The following ACTN4 variants were observed in gnomAD, a reference collection of about 807,000 sequenced individuals.
ACTN4 encodes actinin alpha 4, also known as alpha-actinin-4.
Under a neutral mutation model 114.2 loss-of-function variants are expected in ACTN4, and 18 were observed. The observed-to-expected ratio is 0.16, with a 90% CI of 0.11 to 0.23. ACTN4 has a LOEUF of 0.23. ACTN4 is among the 10% of genes least tolerant of loss of function. ACTN4 has a pLI of 1.00. For missense variants in ACTN4, 722 were observed against 1,262.9 expected (o/e 0.57, Z 6.49); for synonymous variants, 515 against 506.3 (o/e 1.02, Z -0.23).
intron 1 of ACTN4, among the ~76,000 whole-genome samples, chr19:38,679,859 G>GA (rs11403419): frequency 0.16 from 24,300 of 151,964 alleles, 2,161 homozygotes; most frequent in Middle Eastern, 0.37. Flanking sequence ...CATGTCTTAA[G>GA]AAAAAAACAA....
At chr19:38,700,019 G>A (rs916757535) in intron 1 of ACTN4, among the ~76,000 whole-genome samples, 2 of 152,134 alleles carry the variant, frequency 1.3e-5, no homozygotes, top group African/African-American at 4.8e-5. Context: ...ATCTGTGCAC[G>A]TGATTGGAAC....
chr19:38,660,907 T>C (rs1976864898), intron 1 of ACTN4, among the ~76,000 whole-genome samples: 1 of 152,096 alleles, frequency 6.6e-6, no homozygotes, highest in Admixed American at 6.5e-5. Flanking sequence ...GGGAGGAGTG[T>C]GCAGTGCAGG....
intron 1 of ACTN4, among the ~76,000 whole-genome samples, chr19:38,653,410 C>CT: frequency 7.0e-6 from 1 of 142,438 alleles, no homozygotes; most frequent in Admixed American, 7.1e-5. Flanking sequence ...TAGGGTTGTT[C>CT]TTTAAAAAAA....
chr19:38,697,491 T>C (rs932020961), intron 1 of ACTN4, among the ~76,000 whole-genome samples: 2 of 152,240 alleles, frequency 1.3e-5, no homozygotes, highest in African/African-American at 2.4e-5. Context: ...TTCTGATAAA[T>C]CCATCTTACA....
In ACTN4 at chr19:38,724,272, T is replaced by G. The variant is rs768261237; in HGVS notation, c.1808T>G (p.Ile603Ser). The G allele has an allele frequency of 3.7e-6, 6 of 1,613,850 alleles. No individual in the cohort carries two copies. The Admixed American group carries it at 1.0e-4, about 27-fold the overall frequency. The change falls in exon 15 of 21, where the codon ATC (isoleucine) becomes AGC (serine). Residue 603 changes from isoleucine to serine, a missense_variant. Transcript: ENST00000252699. The surrounding 1 kb of genome is among the most constrained non-coding windows in gnomAD (Gnocchi z 7.0). Reference protein sequence around the residue: ...EAQRIAESNHIKLSGSNPYTT... With the variant: ...EAQRIAESNHSKLSGSNPYTT... ...CAGAGGATCGCTGAGAGCAACCACA[T>G]CAAGCTGTCGGGCAGCAACCCCTAC... is the stretch of plus-strand genomic sequence containing the variant.
At chr19:38,653,699 T>A (rs781393787) in intron 1 of ACTN4, among the ~76,000 whole-genome samples, 1 of 152,272 alleles carries the variant, frequency 6.6e-6, no homozygotes, top group Non-Finnish European at 1.5e-5. Flanking sequence ...CCTTCATTTA[T>A]GTATTTAGTT....
intron 11 of ACTN4, among the ~76,000 whole-genome samples, chr19:38,720,649 A>G (rs1216715184): frequency 6.6e-6 from 1 of 152,136 alleles, no homozygotes; most frequent in African/African-American, 2.4e-5. Context: ...ACACCACCTC[A>G]CTGAAACTTG....
Position 38,728,029 on chromosome 19 carries a change from A to C in ACTN4, c.2418+3A>C, listed in dbSNP as rs778452843. On this transcript the variant is annotated splice_donor_region_variant and intron_variant, in intron 19 of 20. Coordinates refer to ENST00000252699, the MANE Select transcript of ACTN4 (RefSeq NM_004924.6). ...ACGACGTGGAGAACGACCGGCAGGT[A>C]CTGCACCCTGGGCCCCAGCGGACCA... is the stretch of plus-strand genomic sequence containing the variant. 6.2e-7 allele frequency: 1 copy of C among 1,610,382 alleles called. No individual in the cohort carries two copies. The highest frequency in any genetic ancestry group is 1.3e-5 in the African/African-American group (1 of 74,750).
At chr19:38,722,426 C>G (rs1002372314) in intron 12 of ACTN4, among the ~76,000 whole-genome samples, 1 of 152,164 alleles carries the variant, frequency 6.6e-6, no homozygotes, top group Non-Finnish European at 1.5e-5. Flanking sequence ...CAGTCACCCC[C>G]AAAGGTCTGC....
Position 38,724,111 on chromosome 19 carries a change from G to T in ACTN4, c.1692+34G>T. On this transcript the variant is annotated intron_variant, in intron 14 of 20. Coordinates refer to ENST00000252699, the MANE Select transcript of ACTN4 (RefSeq NM_004924.6). This position sits in a 1 kb window ranked among gnomAD's most constrained non-coding sequence, Gnocchi z 7.0. ...CCCCCGGCCCCCCATCTTCCCAAGA[G>T]CCTCTGTGGGGCTGGGCCGCCCCCT... The T allele has an allele frequency of 6.2e-7, 1 of 1,613,646 alleles. No individual in the cohort carries two copies. Among genetic ancestry groups the T allele is most frequent in the Admixed American group, 1.7e-5 (1 of 60,022 alleles).
At chr19:38,704,900 A>ACCTTCTG in intron 3 of ACTN4, 34 bp from the exon 4 acceptor site, 1 of 1,604,142 alleles carries the variant, frequency 6.2e-7, no homozygotes, top group Non-Finnish European at 8.5e-7. Context: ...GGTTTTAACG[A>ACCTTCTG]CCTTCTGCCC....
chr19:38,728,426 C>CTCT, intron 19 of ACTN4: 1 of 972,232 alleles, frequency 1.0e-6, no homozygotes, highest in Non-Finnish European at 1.4e-6. Flanking sequence ...CCTCCTCCTC[C>CTCT]TCCTCCTCCT....
chr19:38,729,160 C>T lies in ACTN4; in HGVS notation c.2577+6C>T, dbSNP rs760286046. On this transcript the variant is annotated splice_donor_region_variant and intron_variant, in intron 20 of 20. Transcript: ENST00000252699. ...AGGTCTTAGCAGGGGACAAGGTGAGCGAGACCCCTACGAGGTGCATGGGGG... is the reference window on the plus strand; with the variant it reads ...AGGTCTTAGCAGGGGACAAGGTGAGTGAGACCCCTACGAGGTGCATGGGGG... 6.4e-5 allele frequency: 103 copies of T among 1,612,678 alleles called. No homozygotes were observed. Among genetic ancestry groups the T allele is most frequent in the Non-Finnish European group, 8.1e-5 (95 of 1,179,958 alleles).
chr19:38,653,589 G>T (rs1247061976), intron 1 of ACTN4, among the ~76,000 whole-genome samples: 2 of 152,112 alleles, frequency 1.3e-5, no homozygotes, highest in Admixed American at 6.5e-5. Flanking sequence ...GTATATCCTA[G>T]AGCAGTGTTT....
At chr19:38,658,031 C>A (rs537187057) in intron 1 of ACTN4, among the ~76,000 whole-genome samples, 1 of 152,168 alleles carries the variant, frequency 6.6e-6, no homozygotes, top group South Asian at 2.1e-4. Flanking sequence ...AGAGGCAGTG[C>A]TAATGGTGGA....
In ACTN4 at chr19:38,671,109, G is replaced by T. The variant is rs375642270; in HGVS notation, c.162+23202G>T. Among the ~76,000 whole-genome samples, 78 of 152,104 alleles carry T rather than the reference G, an allele frequency of 5.1e-4. 1 individual carries two copies. The highest frequency in any genetic ancestry group is 1.8e-3 in the African/African-American group (76 of 41,504). On this transcript the variant is annotated intron_variant, in intron 1 of 20. Transcript: ENST00000252699. ...ACTAGGAGCGAGAAAATTGTACTTT[G>T]CCCCTTAGTGACAGCTCTGATAAAA... is the stretch of plus-strand genomic sequence containing the variant.
rs1310927732 is a variant in ACTN4, at chr19:38,673,674, TTATATATTTA to T, written c.162+25776_162+25785del. On this transcript the variant is annotated intron_variant, in intron 1 of 20. Transcript: ENST00000252699. The stretch of plus-strand genomic sequence containing the variant: ...ATATATTTATATATATTATATATAT[TTATATATTTA>T]TATATATTATATATATTTATATATT... Among the ~76,000 whole-genome samples, 12 of 67,598 alleles carry T rather than the reference TTATATATTTA, an allele frequency of 1.8e-4. 1 individual carries two copies. The highest frequency in any genetic ancestry group is 7.6e-4 in the Admixed American group (4 of 5,238). The allele number at this position is 67,598 out of a possible 152,430, so 44.3% of individuals were successfully genotyped here.
At chr19:38,685,553 T>C (rs1477901773) in intron 1 of ACTN4, among the ~76,000 whole-genome samples, 3 of 152,166 alleles carry the variant, frequency 2.0e-5, no homozygotes, top group African/African-American at 4.8e-5. Flanking sequence ...GACTCAATTA[T>C]GCGGATAAAG....
Position 38,711,242 on chromosome 19 carries a change from GCCTCTCTCTCTCTTTCTC to G in ACTN4, c.819+901_819+918del, listed in dbSNP as rs540552035. 9.4e-6 allele frequency: 9 copies of G among 961,662 alleles called. No homozygotes were observed. The East Asian group carries it at 9.7e-4, about 104-fold the overall frequency. 59.6% of individuals were successfully genotyped at this position (961,662 alleles called of 1,614,324 possible). A position where few individuals can be genotyped will look rare whatever the true frequency, so the allele number is the denominator to read the frequency against. Reference sequence around the variant, plus strand: ...CTCCCTGCGTCTTTCACTCTCTCCTGCCTCTCTCTCTCTTTCTCTCTCTCTCTGTGCAGATATTGTGGG... The same window carrying G: ...CTCCCTGCGTCTTTCACTCTCTCCTGTCTCTCTCTGTGCAGATATTGTGGG... On this transcript the variant is annotated intron_variant, in intron 8 of 20. Transcript: ENST00000252699.
Sources: allele counts gnomAD v4.1 joint callset (sites outside exome capture counted in the v4.1 genomes callset), GRCh38; gene constraint gnomAD v4.1.1; non-coding constraint Gnocchi (gnomAD v3.1); transcripts MANE v1.5; gene names NCBI Gene and HGNC (gene_info 2026-07-23, HGNC 2026-07-21).